Variants in ATP7B observed in about 807,000 individuals in gnomAD.
ATP7B encodes copper-transporting ATPase 2.
Under a neutral mutation model 118.9 loss-of-function variants are expected in ATP7B, and 113 were observed. The observed-to-expected ratio is 0.95, with a 90% CI of 0.82 to 1.11. The LOEUF (loss-of-function observed/expected upper bound fraction) is 1.11, where lower values mean the gene tolerates loss of function less well. Ranked by LOEUF, ATP7B falls within the 50% of genes most tolerant of loss-of-function variation. The probability of loss-of-function intolerance (pLI) is 0.00; values close to 1 mark genes in which losing one functional copy is unlikely to be tolerated. For synonymous variants in ATP7B, 777 were observed against 727.4 expected (o/e 1.07, Z -1.10); for missense variants, 1,867 against 1,871.4 (o/e 1.00, Z 0.04).
chr13:51,966,704 T>G lies in ATP7B; in HGVS notation c.1708-1671A>C, dbSNP rs992829293. ...GACACAGCATGCTGCCATGCCGACGTAGACCCTGCTCTGCACGCCAGCCCG... is the reference window on the plus strand; with the variant it reads ...GACACAGCATGCTGCCATGCCGACGGAGACCCTGCTCTGCACGCCAGCCCG... On this transcript the variant is annotated intron_variant, in intron 4 of 20. Transcript: ENST00000242839. 5.2e-6 allele frequency: 8 copies of G among 1,536,616 alleles called. No homozygotes were observed. The South Asian group carries it at 9.4e-5, about 18-fold the overall frequency.
At chr13:52,006,872 C>G (rs1953797126) in intron 1 of ATP7B, among the ~76,000 whole-genome samples, 1 of 152,202 alleles carries the variant, frequency 6.6e-6, no homozygotes, top group Non-Finnish European at 1.5e-5. Context: ...CGAGCACCAC[C>G]TCCCACTGAA....
At chr13:51,947,886 A>C (rs1011244938) in intron 12 of ATP7B, 2 of 152,218 alleles carry the variant, frequency 1.3e-5, no homozygotes, top group Admixed American at 6.5e-5. Context: ...ATTGCAGATA[A>C]AAACAAAAGA....
In ATP7B at chr13:51,974,016, G is replaced by A. The variant is rs1305967337; in HGVS notation, c.1204C>T (p.Leu402Phe). ...VSLAEGTATV[L>F]YNPSVISPEE... ...GGGCTAATTACAGAGGGATTATAAA[G>A]AACTGTTGCAGTCCCTTCGGCCAAA... Residue 402 changes from leucine to phenylalanine, a missense_variant, in exon 2 of 21, where the codon CTT becomes TTT. By Grantham distance (22) the Leu-to-Phe change is conservative. Coordinates refer to ENST00000242839, the MANE Select transcript of ATP7B (RefSeq NM_000053.4). The A allele has an allele frequency of 3.1e-6, 5 of 1,614,128 alleles. No homozygotes were observed. In the East Asian group the frequency reaches 8.9e-5, roughly 29 times the overall value.
chr13:51,972,466 T>G (rs1951889634), intron 2 of ATP7B, among the ~76,000 whole-genome samples: 2 of 152,140 alleles, frequency 1.3e-5, no homozygotes, highest in Admixed American at 1.3e-4. Context: ...TCTATCCCAC[T>G]GTCCTCCAGC....
At chr13:51,973,514 A>G (rs952659038) in intron 2 of ATP7B, among the ~76,000 whole-genome samples, 1 of 152,200 alleles carries the variant, frequency 6.6e-6, no homozygotes, top group Non-Finnish European at 1.5e-5. Flanking sequence ...AAAGAGGAAG[A>G]GCCACCTAAG....
Position 52,005,326 on chromosome 13 carries a change from A to G in ATP7B, c.51+5961T>C, listed in dbSNP as rs188466846. Among the ~76,000 whole-genome samples the G allele has an allele frequency of 6.6e-5, 10 of 152,330 alleles. No homozygotes were observed. In the East Asian group the frequency reaches 1.9e-3, roughly 29 times the overall value. On this transcript the variant is annotated intron_variant, in intron 1 of 20. Coordinates refer to ENST00000242839, the MANE Select transcript of ATP7B (RefSeq NM_000053.4). The stretch of plus-strand genomic sequence containing the variant: ...TATAAGCAATCAAGAGAAGCCATGC[A>G]GCACCCTGCACACTCTGCTTAGATA...
chr13:51,991,500 A>C (rs1025234914), intron 1 of ATP7B, among the ~76,000 whole-genome samples: 3 of 152,122 alleles, frequency 2.0e-5, no homozygotes, highest in Non-Finnish European at 4.4e-5. Flanking sequence ...TGTCGGGAAA[A>C]AAACAAACAA....
intron 3 of ATP7B, among the ~76,000 whole-genome samples, chr13:51,969,526 C>T (rs1447100964): frequency 6.6e-6 from 1 of 150,928 alleles, no homozygotes. Flanking sequence ...TTTATAGTTT[C>T]TAATGACTTT....
Position 51,968,471 on chromosome 13 carries a change from T to C in ATP7B, c.1680A>G (p.Ala560=). Residue 560 remains alanine (A), a synonymous_variant, in exon 4 of 21, where the codon GCA becomes GCG. Coordinates refer to ENST00000242839, the MANE Select transcript of ATP7B (RefSeq NM_000053.4). ...GFEAAVMEDY[A]GSDGNIELTI... Reference sequence around the variant, plus strand: ...TCAGCTCAATGTTGCCATCGGAGCCTGCGTAGTCCTCCATGACTGCTGCCT... The same window carrying C: ...TCAGCTCAATGTTGCCATCGGAGCCCGCGTAGTCCTCCATGACTGCTGCCT... 1.2e-6 allele frequency: 2 copies of C among 1,614,204 alleles called. No individual in the cohort carries two copies. The highest frequency in any genetic ancestry group is 1.7e-6 in the Non-Finnish European group (2 of 1,180,038).
intron 1 of ATP7B, among the ~76,000 whole-genome samples, chr13:52,002,150 G>A (rs1485235958): frequency 1.3e-5 from 2 of 152,124 alleles, no homozygotes; most frequent in Non-Finnish European, 2.9e-5. Flanking sequence ...CTAAAACAGT[G>A]CTTGACACTT....
chr13:51,982,935 T>C lies in ATP7B; in HGVS notation c.52-7767A>G, dbSNP rs546924963. 3.3e-5 allele frequency among the ~76,000 whole-genome samples: 5 copies of C among 152,266 alleles called. No homozygotes were observed. In the East Asian group the frequency reaches 9.7e-4, roughly 29 times the overall value. ...ACAACCCACAGACCAGGAGATTCCC[T>C]CGGGTGCCTACACCACCAGGGCCCT... On this transcript the variant is annotated intron_variant, in intron 1 of 20. Transcript: ENST00000242839.
At chr13:51,997,427 T>C (rs1211100312) in intron 1 of ATP7B, among the ~76,000 whole-genome samples, 1 of 152,244 alleles carries the variant, frequency 6.6e-6, no homozygotes, top group Admixed American at 6.5e-5. Flanking sequence ...AAGGAAAATA[T>C]GTTGGGATCA....
At position 51,949,914 on chromosome 13, in the gene ATP7B, C is replaced by T. The variant is rs115570359; in HGVS notation, c.2730+93G>A. On this transcript the variant is annotated intron_variant, in intron 11 of 20. Transcript: ENST00000242839. ...CATTTAACCACATTTACTAATCAAT[C>T]TCTACTCAATAAAACTGTCTGATTT... is the stretch of plus-strand genomic sequence containing the variant. The T allele has an allele frequency of 9.2e-4, 1,484 of 1,609,710 alleles. 10 individuals are homozygous for T. The African/African-American group carries it at 0.017, about 18-fold the overall frequency.
intron 15 of ATP7B, 52 bp downstream of exon 15, chr13:51,942,334 G>A: frequency 6.2e-7 from 1 of 1,610,226 alleles, no homozygotes; most frequent in Non-Finnish European, 8.5e-7. Context: ...GCTCTCTGTG[G>A]TTTGACCCAC....
Position 51,944,014 on chromosome 13 carries a change from G to C in ATP7B, c.3243+95C>G, listed in dbSNP as rs1488431261. 3.3e-6 allele frequency: 5 copies of C among 1,528,252 alleles called. No individual in the cohort carries two copies. In the African/African-American group the frequency reaches 5.5e-5, roughly 17 times the overall value. 94.7% of individuals were successfully genotyped at this position (1,528,252 alleles called of 1,614,324 possible). On this transcript the variant is annotated intron_variant, in intron 14 of 20. Transcript: ENST00000242839. Reference sequence around the variant, plus strand: ...TCTAAGTGGTTTTCCAGACCACACAGAGAAGGCTCCTCGAGGGCAGCTAGG... The same window carrying C: ...TCTAAGTGGTTTTCCAGACCACACACAGAAGGCTCCTCGAGGGCAGCTAGG...
At chr13:51,944,966 T>C (rs1322166100) in intron 13 of ATP7B, among the ~76,000 whole-genome samples, 1 of 152,160 alleles carries the variant, frequency 6.6e-6, no homozygotes, top group African/African-American at 2.4e-5. Context: ...AGTGTATAAT[T>C]TTACCCATTT....
intron 5 of ATP7B, among the ~76,000 whole-genome samples, chr13:51,964,288 C>T (rs927213230): frequency 6.6e-6 from 1 of 152,176 alleles, no homozygotes; most frequent in African/African-American, 2.4e-5. Flanking sequence ...TGCCTTAACC[C>T]ATTCAGATCA....
chr13:51,946,147 C>A, intron 13 of ATP7B, 137 bp downstream of exon 13: 1 of 1,198,030 alleles, frequency 8.3e-7, no homozygotes, highest in Non-Finnish European at 1.2e-6. Flanking sequence ...TTGTTATTCC[C>A]AGTTATACTT....
chr13:51,968,759 G>C (rs1299527860), intron 3 of ATP7B, 152 bp from the exon 4 acceptor site: 2 of 996,820 alleles, frequency 2.0e-6, no homozygotes, highest in Non-Finnish European at 3.0e-6. Flanking sequence ...TGCACATGAG[G>C]CTTGCTTGGA....
Sources: gnomAD v4.1 joint callset for allele counts (sites outside exome capture counted in the v4.1 genomes callset) on GRCh38, gnomAD v4.1.1 for gene constraint, MANE v1.5 for transcripts, NCBI Gene and HGNC (gene_info 2026-07-23, HGNC 2026-07-21) for gene names.